Variants in ZAR1 observed in about 807,000 individuals in gnomAD.
ZAR1 encodes the protein zygote arrest protein 1.
Under a neutral mutation model 38.3 loss-of-function variants are expected in ZAR1, and 37 were observed. The observed-to-expected ratio is 0.97, with a 90% CI of 0.74 to 1.27. The LOEUF is 1.27. ZAR1 is among the 50% of genes most tolerant of loss of function. ZAR1 has a pLI of 0.00. For missense variants in ZAR1, 651 were observed against 632.4 expected, an observed-to-expected ratio of 1.03 and a Z score of -0.32; for synonymous variants, 336 against 292.0, an observed-to-expected ratio of 1.15 and a Z score of -1.53.
chr4:48,491,033 G>A lies in ZAR1; in HGVS notation c.742G>A (p.Ala248Thr). The change falls in exon 1 of 4, where the codon GCA (alanine) becomes ACA (threonine). Residue 248 changes from alanine to threonine, a missense_variant. Coordinates refer to ENST00000327939, the MANE Select transcript of ZAR1 (RefSeq NM_175619.3). ...CGACGACGACGGCGAGGCCCAGGCC[G>A]CAGTCCGAGCGAGCTGGGAGCAGCC... is the stretch of plus-strand genomic sequence containing the variant. ...QSDDDGEAQA[A>T]VRASWEQPAD... 1 of 1,360,478 alleles carries A rather than the reference G, an allele frequency of 7.4e-7. No individual in the cohort carries two copies. The highest frequency in any genetic ancestry group is 1.8e-5 in the South Asian group (1 of 56,362). The allele number at this position is 1,360,478 out of a possible 1,614,324, so 84.3% of individuals were successfully genotyped here. A position where few individuals can be genotyped will look rare whatever the true frequency, so the allele number is the denominator to read the frequency against.
intron 3 of ZAR1, 135 bp from the exon 4 acceptor site, chr4:48,493,966 G>A: frequency 9.0e-7 from 1 of 1,113,364 alleles, no homozygotes; most frequent in Non-Finnish European, 1.2e-6. Flanking sequence ...GGATGTAGAG[G>A]GAAAACAAGA....
intron 3 of ZAR1, 150 bp from the exon 4 acceptor site, chr4:48,493,951 G>C: frequency 1.1e-6 from 1 of 894,572 alleles, no homozygotes; most frequent in Non-Finnish European, 1.7e-6. Context: ...TTGCTACGTA[G>C]GTAGGGATGT....
chr4:48,490,259 T>G lies in ZAR1; in HGVS notation c.-33T>G, dbSNP rs1298201368. 17 of 1,477,240 alleles carry G rather than the reference T, an allele frequency of 1.2e-5. No individual in the cohort carries two copies. Among genetic ancestry groups the G allele is most frequent in the Non-Finnish European group, 1.5e-5 (17 of 1,120,898 alleles). 91.5% of individuals were successfully genotyped at this position (1,477,240 alleles called of 1,614,324 possible). ...CGGCCGCCCGGGCAAGTCGCCTATT[T>G]AGGGTGCGGCGGCGGGCGGGAGCAG... On this transcript the variant is annotated 5_prime_UTR_variant, in exon 1 of 4. Coordinates refer to ENST00000327939, the MANE Select transcript of ZAR1 (RefSeq NM_175619.3).
chr4:48,490,685 C>T lies in ZAR1; in HGVS notation c.394C>T (p.Arg132Cys). Residue 132 changes from arginine to cysteine, a missense_variant, in exon 1 of 4, where the codon CGC becomes TGC. By Grantham distance (180) the Arg-to-Cys change is radical (BLOSUM62 -3). This residue lies in a region of ZAR1 where 522 missense variants were observed against 459.9 expected (regional missense o/e 1.14). Coordinates refer to ENST00000327939, the MANE Select transcript of ZAR1 (RefSeq NM_175619.3). Reference sequence around the variant, plus strand: ...GAGGCGCACGCTGCAGCGCCGGGCCCGCGACCCCGAGTCCCCGGCCGGCCC... The same window carrying T: ...GAGGCGCACGCTGCAGCGCCGGGCCTGCGACCCCGAGTCCCCGGCCGGCCC... ...LGRRTLQRRA[R>C]DPESPAGPGA... The T allele has an allele frequency of 1.5e-6, 2 of 1,314,660 alleles. No individual in the cohort carries two copies. Among genetic ancestry groups the T allele is most frequent in the Non-Finnish European group, 1.9e-6 (2 of 1,036,710 alleles). The allele number at this position is 1,314,660 out of a possible 1,614,324, so 81.4% of individuals were successfully genotyped here. A position where few individuals can be genotyped will look rare whatever the true frequency, so the allele number is the denominator to read the frequency against.
chr4:48,490,839 C>T lies in ZAR1; in HGVS notation c.548C>T (p.Ser183Leu). The change falls in exon 1 of 4, where the codon TCG (serine) becomes TTG (leucine). Residue 183 changes from serine to leucine, a missense_variant. Ser to Leu is a moderately radical substitution (Grantham distance 145). Transcript: ENST00000327939. Reference sequence around the variant, plus strand: ...TTCCCGCGCACCGTCGCCGTGTACTCGCCCCTGGCCTTGCGCCGTCTCACC... The same window carrying T: ...TTCCCGCGCACCGTCGCCGTGTACTTGCCCCTGGCCTTGCGCCGTCTCACC... The part of the protein sequence containing the change: ...MRFPRTVAVY[S>L]PLALRRLTAF... The T allele has an allele frequency of 6.7e-7, 1 of 1,495,614 alleles. No homozygotes were observed. The highest frequency in any genetic ancestry group is 8.9e-7 in the Non-Finnish European group (1 of 1,129,664). The allele number at this position is 1,495,614 out of a possible 1,614,324, so 92.6% of individuals were successfully genotyped here. A position where few individuals can be genotyped will look rare whatever the true frequency, so the allele number is the denominator to read the frequency against.
intron 1 of ZAR1, among the ~76,000 whole-genome samples, chr4:48,491,608 G>A (rs1335822629): frequency 1.3e-5 from 2 of 152,348 alleles, no homozygotes; most frequent in East Asian, 1.9e-4. Flanking sequence ...ACTGAACTTC[G>A]GAGCACTTGC....
intron 1 of ZAR1, among the ~76,000 whole-genome samples, chr4:48,492,294 T>G (rs535887503): frequency 6.6e-6 from 1 of 152,308 alleles, no homozygotes; most frequent in Admixed American, 6.5e-5. Context: ...ATATGAATTA[T>G]GGCTTACGTA....
downstream of ZAR1, chr4:48,497,537 T>A (rs144135465): frequency 2.0e-5 from 3 of 152,662 alleles, no homozygotes; most frequent in Admixed American, 2.0e-4. Flanking sequence ...ACTGTAATCA[T>A]TCATTCTTTG....
chr4:48,497,260 A>ATT (rs1718668826), downstream of ZAR1: 1 of 152,232 alleles, frequency 6.6e-6, no homozygotes, highest in Admixed American at 6.5e-5. Context: ...ATTTGTTAAT[A>ATT]AATGCTAACT....
intron 3 of ZAR1, among the ~76,000 whole-genome samples, chr4:48,493,662 C>T (rs1182962872): frequency 1.3e-5 from 2 of 152,150 alleles, no homozygotes; most frequent in Admixed American, 6.5e-5. Flanking sequence ...ACTTGACCCA[C>T]GTTGGATATT....
chr4:48,495,284 T>G (rs1003452443), downstream of ZAR1, among the ~76,000 whole-genome samples: 1 of 152,226 alleles, frequency 6.6e-6, no homozygotes, highest in Non-Finnish European at 1.5e-5. Context: ...AACCATATAA[T>G]TGGAACCATG....
rs1273973059 is a variant in ZAR1 at position 48,490,445 on chromosome 4, T to TC, written c.159dup (p.Cys54LeufsTer298). 3.4e-6 allele frequency: 5 copies of TC among 1,464,624 alleles called. No homozygotes were observed. The highest frequency in any genetic ancestry group is 4.5e-6 in the Non-Finnish European group (5 of 1,114,948). 90.7% of individuals were successfully genotyped at this position (1,464,624 alleles called of 1,614,324 possible). A position where few individuals can be genotyped will look rare whatever the true frequency, so the allele number is the denominator to read the frequency against. ...CGGCAGGGGCTGCCTTCCCGCCTCC[T>TC]CCCCCTGCTCGGCGGGCGCGGCCTC... On this transcript the variant is annotated frameshift_variant, in exon 1 of 4. Transcript: ENST00000327939. LOFTEE classifies it high-confidence loss of function.
chr4:48,497,076 G>A (rs907755736), downstream of ZAR1, among the ~76,000 whole-genome samples: 18 of 152,110 alleles, frequency 1.2e-4, no homozygotes, highest in African/African-American at 4.1e-4. Flanking sequence ...GAAATCCTGT[G>A]GTTTTGTTTT....
chr4:48,492,005 C>T (rs958574769), intron 1 of ZAR1, among the ~76,000 whole-genome samples: 1 of 152,186 alleles, frequency 6.6e-6, no homozygotes, highest in Non-Finnish European at 1.5e-5. Flanking sequence ...GCTGGTATTC[C>T]TTTTGAGGGG....
chr4:48,490,643 G>A lies in ZAR1; in HGVS notation c.352G>A (p.Val118Ile). ...GGTGAGCCCGCGCATCGACGCCGCG[G>A]TACAGTGCTCGCTGGGGAGGCGCAC... ...VQVSPRIDAA[V>I]QCSLGRRTLQ... The change falls in exon 1 of 4, where the codon GTA becomes ATA. Residue 118 changes from valine to isoleucine, a missense_variant. By Grantham distance (29) the Val-to-Ile change is conservative (BLOSUM62 3). Transcript: ENST00000327939. The A allele has an allele frequency of 1.5e-6, 2 of 1,349,886 alleles. No individual in the cohort carries two copies. Among genetic ancestry groups the A allele is most frequent in the South Asian group, 1.8e-5 (1 of 54,110 alleles). 83.6% of individuals were successfully genotyped at this position (1,349,886 alleles called of 1,614,324 possible).
chr4:48,492,619 T>C (rs756195300), intron 1 of ZAR1, 147 bp from the exon 2 acceptor site: 1 of 710,980 alleles, frequency 1.4e-6, no homozygotes, highest in Non-Finnish European at 2.5e-6. Flanking sequence ...TTAATTACTG[T>C]ATTGAAGAGG....
Position 48,490,347 on chromosome 4 carries a change from C to G in ZAR1, c.56C>G (p.Pro19Arg), listed in dbSNP as rs746660380. ...GGTTACGTGTTCCCGGCGTGCCCCCCCTGCTCGTACCGGTACCCATACCCC... is the reference window on the plus strand; with the variant it reads ...GGTTACGTGTTCCCGGCGTGCCCCCGCTGCTCGTACCGGTACCCATACCCC... ...LDGYVFPACP[P>R]CSYRYPYPAA... Residue 19 changes from proline (P) to arginine (R), a missense_variant, in exon 1 of 4, where the codon CCC (proline) becomes CGC (arginine). By Grantham distance (103) the Pro-to-Arg change is moderately radical (BLOSUM62 -2). Transcript: ENST00000327939. 9.1e-5 allele frequency: 138 copies of G among 1,513,826 alleles called. No homozygotes were observed. Among genetic ancestry groups the G allele is most frequent in the Middle Eastern group, 3.4e-4 (2 of 5,926 alleles). The allele number at this position is 1,513,826 out of a possible 1,614,324, so 93.8% of individuals were successfully genotyped here.
intron 1 of ZAR1, among the ~76,000 whole-genome samples, chr4:48,492,284 A>G (rs1404560784): frequency 1.3e-5 from 2 of 152,198 alleles, no homozygotes; most frequent in South Asian, 2.1e-4. Flanking sequence ...TTCATATTGA[A>G]TATGAATTAT....
chr4:48,493,126 G>A, intron 3 of ZAR1, 114 bp downstream of exon 3: 2 of 899,586 alleles, frequency 2.2e-6, no homozygotes, highest in Non-Finnish European at 3.4e-6. Context: ...GTTTCAACTG[G>A]CTTTTGTTAG....
Sources: allele counts gnomAD v4.1 joint callset (sites outside exome capture counted in the v4.1 genomes callset), GRCh38; gene constraint gnomAD v4.1.1; regional missense constraint gnomAD v4.1.1; transcripts MANE v1.5; gene names NCBI Gene and HGNC (gene_info 2026-07-23, HGNC 2026-07-21).